Variants in ATRNL1 observed in about 807,000 individuals in gnomAD.
ATRNL1 encodes attractin-like protein 1.
A neutral mutation model predicts 182.7 loss-of-function variants in ATRNL1; 95 were observed. The ratio of observed to expected loss-of-function variants is 0.52; its 90% confidence interval spans 0.44 to 0.62. ATRNL1 has a LOEUF of 0.62. Ranked by LOEUF, ATRNL1 falls within the 20% of genes least tolerant of loss-of-function variation. ATRNL1 has a pLI of 0.00. For missense variants in ATRNL1, 1,471 were observed against 1,679.5 expected, an observed-to-expected ratio of 0.88 and a Z score of 2.17; for synonymous variants, 576 against 568.3, an observed-to-expected ratio of 1.01 and a Z score of -0.19.
chr10:115,477,670 A>C (rs879984747), intron 24 of ATRNL1, among the ~76,000 whole-genome samples: 1 of 151,658 alleles, frequency 6.6e-6, no homozygotes, highest in Non-Finnish European at 1.5e-5. Context: ...TTGTTTGGTC[A>C]GGAGATATTT....
intron 26 of ATRNL1, among the ~76,000 whole-genome samples, chr10:115,682,097 CTG>C (rs1268300827): frequency 6.6e-6 from 1 of 152,090 alleles, no homozygotes; most frequent in Non-Finnish European, 1.5e-5. Context: ...AAATAAAACT[CTG>C]TTGGATTTTC....
chr10:115,133,171 C>A lies in ATRNL1; in HGVS notation c.829+3636C>A, dbSNP rs1024279826. Reference sequence around the variant, plus strand: ...ATATGGCTAGCCAGTTTTCCCAGAACCATTTATTAAATAGGGAATCCTTTC... The same window carrying A: ...ATATGGCTAGCCAGTTTTCCCAGAAACATTTATTAAATAGGGAATCCTTTC... On this transcript the variant is annotated intron_variant, in intron 5 of 28. Transcript: ENST00000355044. 2.6e-5 allele frequency among the ~76,000 whole-genome samples: 4 copies of A among 152,116 alleles called. No homozygotes were observed. In the East Asian group the frequency reaches 7.7e-4, roughly 29 times the overall value.
At chr10:115,678,351 AG>A (rs1297035398) in intron 26 of ATRNL1, among the ~76,000 whole-genome samples, 1 of 152,138 alleles carries the variant, frequency 6.6e-6, no homozygotes, top group Non-Finnish European at 1.5e-5. Flanking sequence ...CAATCTCTAT[AG>A]GTTAAGAAAT....
intron 28 of ATRNL1, among the ~76,000 whole-genome samples, chr10:115,891,165 C>A (rs781823042): frequency 1.4e-4 from 21 of 152,174 alleles, no homozygotes; most frequent in Middle Eastern, 3.4e-3. Context: ...TAAATGAAAG[C>A]TTGTAACCTG....
At chr10:115,146,002 AGAAAACAAAC>A in intron 5 of ATRNL1, among the ~76,000 whole-genome samples, 1 of 152,198 alleles carries the variant, frequency 6.6e-6, no homozygotes, top group South Asian at 2.1e-4. Flanking sequence ...CTCACATGTA[AGAAAACAAAC>A]TGAAGTACCA....
intron 27 of ATRNL1, among the ~76,000 whole-genome samples, chr10:115,782,262 C>G (rs537204549): frequency 1.3e-5 from 2 of 152,292 alleles, no homozygotes; most frequent in Non-Finnish European, 2.9e-5. Context: ...TTAACCACCT[C>G]AACTTTACAG....
At chr10:115,546,430 GTGGCGCACA>G (rs1475955419) in intron 25 of ATRNL1, among the ~76,000 whole-genome samples, 1 of 151,894 alleles carries the variant, frequency 6.6e-6, no homozygotes, top group Non-Finnish European at 1.5e-5. Flanking sequence ...AGTGGGCGTG[GTGGCGCACA>G]TCTGTAGTCC....
At position 115,811,423 on chromosome 10, in the gene ATRNL1, A is replaced by G. The variant is rs1221684358; in HGVS notation, c.3904-36454A>G. On this transcript the variant is annotated intron_variant, in intron 27 of 28. Coordinates refer to ENST00000355044, the MANE Select transcript of ATRNL1 (RefSeq NM_207303.4). ...ATGGTGAAGGATTCATTTAGATTTG[A>G]ATTGAAGGTGTATTCTGCTCTTGTA... is the stretch of plus-strand genomic sequence containing the variant. 2.6e-5 allele frequency among the ~76,000 whole-genome samples: 4 copies of G among 151,888 alleles called. 1 individual carries two copies. Among genetic ancestry groups the G allele is most frequent in the Non-Finnish European group, 5.9e-5 (4 of 67,862 alleles).
chr10:115,411,790 A>T (rs1441386634), intron 20 of ATRNL1, among the ~76,000 whole-genome samples: 4 of 152,152 alleles, frequency 2.6e-5, no homozygotes, highest in Admixed American at 6.5e-5. Context: ...TTGCTAAAAT[A>T]ATTTATGTCT....
chr10:115,343,665 TC>T (rs1855849456), intron 19 of ATRNL1, among the ~76,000 whole-genome samples: 2 of 152,244 alleles, frequency 1.3e-5, no homozygotes, highest in South Asian at 4.1e-4. Context: ...GGTCATGTTT[TC>T]CTGGATGGTG....
intron 27 of ATRNL1, among the ~76,000 whole-genome samples, chr10:115,845,021 A>G (rs571902180): frequency 6.6e-6 from 1 of 152,186 alleles, no homozygotes; most frequent in Non-Finnish European, 1.5e-5. Context: ...GTTTTTTTGT[A>G]TATAAAATTC....
chr10:115,406,303 A>T (rs1187674161), intron 20 of ATRNL1, among the ~76,000 whole-genome samples: 1 of 152,046 alleles, frequency 6.6e-6, no homozygotes, highest in East Asian at 1.9e-4. Flanking sequence ...TTTTTTTGAT[A>T]ATTCCAGTTT....
chr10:115,420,108 A>T (rs1398499324), intron 20 of ATRNL1, among the ~76,000 whole-genome samples: 1 of 140,330 alleles, frequency 7.1e-6, no homozygotes, highest in East Asian at 2.1e-4. Flanking sequence ...CAATGGTGCT[A>T]TCTCGGCTTA....
At chr10:115,784,487 G>A (rs1465843327) in intron 27 of ATRNL1, among the ~76,000 whole-genome samples, 1 of 152,194 alleles carries the variant, frequency 6.6e-6, no homozygotes, top group African/African-American at 2.4e-5. Flanking sequence ...TCAGTTGCAA[G>A]GCAGATTCTG....
intron 5 of ATRNL1, among the ~76,000 whole-genome samples, chr10:115,139,695 AT>A (rs1845680214): frequency 6.6e-6 from 1 of 152,314 alleles, no homozygotes; most frequent in East Asian, 1.9e-4. Flanking sequence ...CTAAGTTTAG[AT>A]TGGTAGGATG....
chr10:115,169,071 A>G (rs1847178095), intron 7 of ATRNL1, among the ~76,000 whole-genome samples: 1 of 144,944 alleles, frequency 6.9e-6, no homozygotes, highest in Non-Finnish European at 1.5e-5. Flanking sequence ...CCATTTGTTC[A>G]CAAGACATTT....
chr10:115,621,792 A>C (rs1565221254), intron 26 of ATRNL1, among the ~76,000 whole-genome samples: 1 of 152,362 alleles, frequency 6.6e-6, no homozygotes, highest in East Asian at 1.9e-4. Flanking sequence ...TATGAAATTT[A>C]AAGTGTATAC....
intron 8 of ATRNL1, among the ~76,000 whole-genome samples, chr10:115,174,661 G>A (rs1413086870): frequency 1.3e-5 from 2 of 151,912 alleles, no homozygotes; most frequent in African/African-American, 2.4e-5. Flanking sequence ...ACTCTGCCTT[G>A]TAGCCTGAAA....
chr10:115,438,415 G>A (rs1846509039), intron 21 of ATRNL1, among the ~76,000 whole-genome samples: 1 of 151,928 alleles, frequency 6.6e-6, no homozygotes, highest in Non-Finnish European at 1.5e-5. Context: ...TCCCAAGCAT[G>A]TAATGTACTC....
Sources: allele counts gnomAD v4.1 joint callset (sites outside exome capture counted in the v4.1 genomes callset), GRCh38; gene constraint gnomAD v4.1.1; transcripts MANE v1.5; gene names NCBI Gene and HGNC (gene_info 2026-07-23, HGNC 2026-07-21).